The following HADHB variants were observed in gnomAD, a reference collection of about 807,000 sequenced individuals.
HADHB encodes the protein hydroxyacyl-CoA dehydrogenase trifunctional multienzyme complex subunit beta.
Under a neutral mutation model 61.9 loss-of-function variants are expected in HADHB, and 50 were observed. The observed-to-expected ratio is 0.81, with a 90% CI of 0.64 to 1.02. The LOEUF (loss-of-function observed/expected upper bound fraction) is 1.02, where lower values mean the gene tolerates loss of function less well. HADHB is among the 50% of genes least tolerant of loss of function. The pLI is 0.00. For synonymous variants in HADHB, 191 were observed against 201.6 expected (o/e 0.95, Z 0.45); for missense variants, 504 against 586.5 (o/e 0.86, Z 1.45).
chr2:26,264,244 T>A (rs769159749), intron 4 of HADHB, among the ~76,000 whole-genome samples: 1 of 151,636 alleles, frequency 6.6e-6, no homozygotes, highest in African/African-American at 2.4e-5. Flanking sequence ...TGAAGATATG[T>A]TAAGTATAAA....
intron 1 of HADHB, among the ~76,000 whole-genome samples, chr2:26,254,037 T>C (rs951393445): frequency 6.6e-6 from 1 of 152,168 alleles, no homozygotes; most frequent in African/African-American, 2.4e-5. Context: ...GAAGATTAGA[T>C]GGTTAATGCT....
chr2:26,280,508 T>G (rs1293735325), intron 10 of HADHB, among the ~76,000 whole-genome samples: 1 of 152,154 alleles, frequency 6.6e-6, no homozygotes, highest in East Asian at 1.9e-4. Context: ...AGGTAACACT[T>G]GAGCAGCAAA....
intron 1 of HADHB, among the ~76,000 whole-genome samples, chr2:26,248,344 C>T (rs193213266): frequency 2.5e-4 from 38 of 152,006 alleles, no homozygotes; most frequent in Non-Finnish European, 4.4e-5. Flanking sequence ...TACGGTTTTC[C>T]ACAAATATAA....
intron 7 of HADHB, 71 bp downstream of exon 7, chr2:26,277,231 T>C (rs923101795): frequency 2.3e-4 from 156 of 681,458 alleles, no homozygotes; most frequent in Non-Finnish European, 3.3e-4. Context: ...TATAAAAATG[T>C]ACTTTTTTTT....
intron 6 of HADHB, among the ~76,000 whole-genome samples, chr2:26,274,015 G>T (rs886831026): frequency 3.3e-5 from 5 of 152,158 alleles, no homozygotes; most frequent in African/African-American, 1.2e-4. Flanking sequence ...ATTGTCTCTT[G>T]TGTTAGGAAA....
At chr2:26,246,953 C>CGTGT (rs890340801) in intron 1 of HADHB, among the ~76,000 whole-genome samples, 3 of 151,960 alleles carry the variant, frequency 2.0e-5, no homozygotes, top group Admixed American at 6.6e-5. Flanking sequence ...GGTGTGCGTG[C>CGTGT]GTGTGTGTGT....
chr2:26,266,871 C>CACAAAAAAAAAA (rs1672104788), intron 4 of HADHB, among the ~76,000 whole-genome samples: 1 of 45,426 alleles, frequency 2.2e-5, no homozygotes, highest in African/African-American at 9.9e-5. Context: ...CACTCTCTCT[C>CACAAAAAAAAAA]AAAAAAAAAA....
intron 3 of HADHB, chr2:26,261,098 T>G: frequency 9.4e-7 from 1 of 1,059,518 alleles, no homozygotes. Flanking sequence ...CTAATCAGCT[T>G]TTATATTGAC....
At chr2:26,279,037 A>G in intron 8 of HADHB, 98 bp from the exon 9 acceptor site, 1 of 1,066,994 alleles carries the variant, frequency 9.4e-7, no homozygotes, top group South Asian at 1.3e-5. Flanking sequence ...ATGGTAGACA[A>G]ATAGATTTTA....
intron 3 of HADHB, chr2:26,261,222 C>CCA (rs375064998): frequency 4.2e-5 from 20 of 474,886 alleles, no homozygotes; most frequent in Middle Eastern, 4.3e-4. Context: ...ACCCCCCCCC[C>CCA]ATCCAGACAA....
chr2:26,247,454 G>A (rs1282516147), intron 1 of HADHB, among the ~76,000 whole-genome samples: 1 of 152,138 alleles, frequency 6.6e-6, no homozygotes. Flanking sequence ...AAGAAAATCT[G>A]TAATTCCACC....
At chr2:26,280,711 A>G (rs543838384) in intron 10 of HADHB, among the ~76,000 whole-genome samples, 2 of 152,040 alleles carry the variant, frequency 1.3e-5, no homozygotes, top group South Asian at 2.1e-4. Flanking sequence ...AATTAGCCAG[A>G]TGTGGTGGCA....
At position 26,279,989 on chromosome 2, in the gene HADHB, A is replaced by T. The variant is rs72851534; in HGVS notation, c.812-5A>T. The T allele has an allele frequency of 1.5e-3, 2,379 of 1,605,282 alleles. 16 individuals are homozygous for T. The African/African-American group carries it at 0.021, about 14-fold the overall frequency. ...TAGAGTTAAAAAAATTCATTTTTTT[A>T]ATAGGAAAAGATACAGTTACCAAAG... is the stretch of plus-strand genomic sequence containing the variant. On this transcript the variant is annotated splice_region_variant and splice_polypyrimidine_tract_variant and intron_variant, in intron 9 of 15. Transcript: ENST00000317799.
chr2:26,286,822 T>G (rs1442729056), intron 15 of HADHB, among the ~76,000 whole-genome samples: 2 of 151,212 alleles, frequency 1.3e-5, no homozygotes, highest in Admixed American at 6.6e-5. Flanking sequence ...TGTTTTTTTT[T>G]TTTTTTTTTA....
chr2:26,285,739 G>GTTTTTTTTTTGTTTTTTTT (rs1673001766), intron 15 of HADHB, among the ~76,000 whole-genome samples, 168 bp downstream of exon 15: 1 of 65,080 alleles, frequency 1.5e-5, no homozygotes, highest in Non-Finnish European at 2.9e-5. Flanking sequence ...TGTTTTTTGG[G>GTTTTTTTTTTGTTTTTTTT]TTTTTTTTTT....
intron 7 of HADHB, among the ~76,000 whole-genome samples, chr2:26,278,003 C>G (rs781682189): frequency 3.3e-5 from 5 of 152,214 alleles, no homozygotes; most frequent in Non-Finnish European, 7.3e-5. Flanking sequence ...TTTGTAGCAT[C>G]AGCTCTTAGT....
At chr2:26,280,224 T>C (rs1428419166) in intron 10 of HADHB, 109 bp downstream of exon 10, 1 of 889,030 alleles carries the variant, frequency 1.1e-6, no homozygotes, top group Non-Finnish European at 1.9e-6. Context: ...GGGTTAAAAA[T>C]ATAGTTATTC....
intron 1 of HADHB, among the ~76,000 whole-genome samples, chr2:26,246,973 C>A (rs751898435): frequency 1.4e-4 from 21 of 152,140 alleles, no homozygotes; most frequent in Non-Finnish European, 2.6e-4. Context: ...TGTGCGCGTG[C>A]GCGTCCTATG....
chr2:26,261,377 A>AG, intron 3 of HADHB: 1 of 218,446 alleles, frequency 4.6e-6, no homozygotes, highest in Non-Finnish European at 9.2e-6. Context: ...ATGACTTTCT[A>AG]ATCTACACTC....
Sources: allele counts gnomAD v4.1 joint callset (sites outside exome capture counted in the v4.1 genomes callset), GRCh38; gene constraint gnomAD v4.1.1; transcripts MANE v1.5; gene names NCBI Gene and HGNC (gene_info 2026-07-23, HGNC 2026-07-21).